The following EFHC2 variants were observed in gnomAD, a reference collection of about 807,000 sequenced individuals.
EFHC2 encodes EF-hand domain containing 2.
A neutral mutation model predicts 52.7 loss-of-function variants in EFHC2; 18 were observed. The ratio of observed to expected loss-of-function variants is 0.34; its 90% CI spans 0.24 to 0.51. The LOEUF (loss-of-function observed/expected upper bound fraction) is 0.51, where lower values mean the gene tolerates loss of function less well. Ranked by LOEUF, EFHC2 falls within the 20% of genes least tolerant of loss-of-function variation. EFHC2 has a pLI of 0.97. For missense variants in EFHC2, 513 were observed against 562.5 expected, an observed-to-expected ratio of 0.91 and a Z score of 0.89; for synonymous variants, 203 against 204.1, an observed-to-expected ratio of 0.99 and a Z score of 0.04.
intron 2 of EFHC2, among the ~76,000 whole-genome samples, chrX:44,298,801 C>T (rs1196911670): frequency 1.1e-5 from 1 of 91,813 alleles, no homozygotes; most frequent in Non-Finnish European, 2.0e-5. Context: ...GTAGAGGTTG[C>T]AGTGAGCAGA....
rs191016092 is a variant in EFHC2, at chrX:44,221,927, T to C, written c.1751+7722A>G. Reference sequence around the variant, plus strand: ...TTGCTGATATAAAGTAAAGCTATTGTTCTATATATAGCTTTCTTATATTTA... The same window carrying C: ...TTGCTGATATAAAGTAAAGCTATTGCTCTATATATAGCTTTCTTATATTTA... On this transcript the variant is annotated intron_variant, in intron 11 of 14. Transcript: ENST00000420999. Among the ~76,000 whole-genome samples the C allele has an allele frequency of 3.7e-4, 42 of 112,071 alleles. No individual in the cohort carries two copies. The South Asian group carries it at 0.014, about 36-fold the overall frequency.
intron 11 of EFHC2, among the ~76,000 whole-genome samples, chrX:44,219,129 A>T (rs2037173775): frequency 3.0e-5 from 3 of 99,062 alleles, no homozygotes; most frequent in South Asian, 4.9e-4. Context: ...TAGAACAGAG[A>T]AAAACCACCT....
intron 1 of EFHC2, among the ~76,000 whole-genome samples, chrX:44,327,393 A>T: frequency 8.9e-6 from 1 of 111,775 alleles, no homozygotes. Context: ...TTGAAGAGAG[A>T]TAGTTAATAT....
intron 2 of EFHC2, among the ~76,000 whole-genome samples, chrX:44,288,797 A>G (rs1238730765): frequency 8.9e-6 from 1 of 111,887 alleles, no homozygotes; most frequent in East Asian, 2.8e-4. Flanking sequence ...TTTATTGTGT[A>G]TTTTTTAATG....
intron 1 of EFHC2, among the ~76,000 whole-genome samples, chrX:44,325,290 T>G (rs1034822390): frequency 9.0e-6 from 1 of 111,651 alleles, no homozygotes; most frequent in Non-Finnish European, 1.9e-5. Context: ...CATGGCAACC[T>G]GCCTTTGCCA....
intron 1 of EFHC2, among the ~76,000 whole-genome samples, chrX:44,326,504 C>T (rs565130683): frequency 3.6e-5 from 4 of 109,802 alleles, no homozygotes; most frequent in African/African-American, 1.3e-4. Flanking sequence ...TATATATGTA[C>T]ACTAAGAAAA....
At chrX:44,338,655 T>C (rs1402931301) in intron 1 of EFHC2, among the ~76,000 whole-genome samples, 1 of 108,421 alleles carries the variant, frequency 9.2e-6, no homozygotes, top group Non-Finnish European at 1.9e-5. Context: ...CGTGCAACAC[T>C]TAACTCCTCT....
intron 11 of EFHC2, among the ~76,000 whole-genome samples, chrX:44,214,318 C>A (rs1298865119): frequency 8.9e-6 from 1 of 112,008 alleles, no homozygotes; most frequent in African/African-American, 3.2e-5. Flanking sequence ...CTAGGCATTT[C>A]ACATTCAAAC....
intron 11 of EFHC2, among the ~76,000 whole-genome samples, chrX:44,191,632 T>C (rs905617305): frequency 1.8e-5 from 2 of 112,188 alleles, no homozygotes; most frequent in Non-Finnish European, 3.8e-5. Context: ...GGTGATTTTT[T>C]TGTGAACAGA....
intron 14 of EFHC2, among the ~76,000 whole-genome samples, chrX:44,155,801 A>G (rs1471582943): frequency 1.8e-5 from 2 of 112,864 alleles, no homozygotes; most frequent in Non-Finnish European, 3.7e-5. Flanking sequence ...ACAAAATCAT[A>G]AAAGCAATTA....
At chrX:44,157,536 A>C (rs2036616554) in intron 14 of EFHC2, among the ~76,000 whole-genome samples, 1 of 110,906 alleles carries the variant, frequency 9.0e-6, no homozygotes, top group African/African-American at 3.3e-5. Context: ...ATCAGAAAAC[A>C]GGAGAAGCAA....
chrX:44,248,449 C>G, intron 6 of EFHC2, 39 bp from the exon 7 acceptor site: 1 of 1,172,121 alleles, frequency 8.5e-7, no homozygotes, highest in Non-Finnish European at 1.1e-6. Flanking sequence ...GCACCATGGA[C>G]CCTCCAAAGA....
At chrX:44,296,837 G>C (rs755411178) in intron 2 of EFHC2, among the ~76,000 whole-genome samples, 1 of 111,846 alleles carries the variant, frequency 8.9e-6, no homozygotes, top group African/African-American at 3.2e-5. Context: ...CAGAACAATT[G>C]GAAAGAGCAA....
At chrX:44,202,415 C>CA (rs1309832833) in intron 11 of EFHC2, among the ~76,000 whole-genome samples, 2 of 111,450 alleles carry the variant, frequency 1.8e-5, no homozygotes, top group African/African-American at 3.3e-5. Flanking sequence ...CCATCAAAAA[C>CA]AAAAAACAAA....
intron 2 of EFHC2, among the ~76,000 whole-genome samples, chrX:44,304,563 C>T (rs752168996): frequency 1.6e-4 from 18 of 111,633 alleles, no homozygotes; most frequent in Admixed American, 1.9e-4. Flanking sequence ...AAATAACTGG[C>T]GTGAGTGATG....
At chrX:44,202,311 G>A (rs2037012380) in intron 11 of EFHC2, among the ~76,000 whole-genome samples, 1 of 111,385 alleles carries the variant, frequency 9.0e-6, no homozygotes, top group Non-Finnish European at 1.9e-5. Context: ...TACTCGGGAG[G>A]CTGAGGCAGA....
chrX:44,328,100 C>T (rs1460912336), intron 1 of EFHC2, among the ~76,000 whole-genome samples: 1 of 111,767 alleles, frequency 8.9e-6, no homozygotes, highest in Admixed American at 9.5e-5. Context: ...TAAGTTGAAA[C>T]CACTGGCTCA....
At chrX:44,304,696 G>A (rs1302178127) in intron 2 of EFHC2, among the ~76,000 whole-genome samples, 1 of 110,852 alleles carries the variant, frequency 9.0e-6, no homozygotes, top group Non-Finnish European at 1.9e-5. Context: ...ATGAAATAAC[G>A]AAGTCTTTGA....
rs1343657534 is a variant in EFHC2 at position 44,287,039 on chromosome X, A to AG, written c.232-14204_232-14203insC. Among the ~76,000 whole-genome samples the AG allele has an allele frequency of 4.0e-3, 398 of 100,266 alleles. 7 individuals are homozygous for AG. The East Asian group carries it at 0.045, about 11-fold the overall frequency. 87.1% of individuals were successfully genotyped at this position (100,266 alleles called of 115,157 possible). ...AACTCCCATCTCTAAAAAAAAAAAAAAAAAAAAAAAAAAAAGTTTTTTAAT... is the reference window on the plus strand; with the variant it reads ...AACTCCCATCTCTAAAAAAAAAAAAAGAAAAAAAAAAAAAAAGTTTTTTAAT... On this transcript the variant is annotated intron_variant, in intron 2 of 14. Transcript: ENST00000420999.
Sources: allele counts gnomAD v4.1 joint callset (sites outside exome capture counted in the v4.1 genomes callset), GRCh38; gene constraint gnomAD v4.1.1; transcripts MANE v1.5; gene names NCBI Gene and HGNC (gene_info 2026-07-23, HGNC 2026-07-21).